The following PREX2 variants were observed in gnomAD, a reference collection of about 807,000 sequenced individuals.
PREX2 encodes the protein phosphatidylinositol-3,4,5-trisphosphate dependent Rac exchange factor 2.
In PREX2, 107 loss-of-function variants were observed where a neutral mutation model predicts 203.2. The ratio of observed to expected loss-of-function variants is 0.53; its 90% CI spans 0.45 to 0.62. PREX2 has a LOEUF of 0.62. Among genes scored for constraint, PREX2 ranks in the 20% least tolerant of loss-of-function variants. The pLI is 0.00. For synonymous variants in PREX2, 672 were observed against 663.6 expected, an observed-to-expected ratio of 1.01 and a Z score of -0.19; for missense variants, 1,777 against 1,955.9, an observed-to-expected ratio of 0.91 and a Z score of 1.72.
At position 68,054,595 on chromosome 8, in the gene PREX2, T is replaced by A. The variant is rs1339739370; in HGVS notation, c.1094-1235T>A. Among the ~76,000 whole-genome samples the A allele has an allele frequency of 5.3e-5, 8 of 152,204 alleles. No homozygotes were observed. The South Asian group carries it at 1.7e-3, about 31-fold the overall frequency. On this transcript the variant is annotated intron_variant, in intron 9 of 39. Coordinates refer to ENST00000288368, the MANE Select transcript of PREX2 (RefSeq NM_024870.4). ...ATGTTGCTCCTTCAACAGTTCGTCA[T>A]CAGTCCTGATTAAGTGCCAGTGTTC...
chr8:68,032,360 A>G (rs1448334616), intron 6 of PREX2, among the ~76,000 whole-genome samples: 1 of 152,202 alleles, frequency 6.6e-6, no homozygotes. Flanking sequence ...GGGAGATAAT[A>G]TGAAAGTTGG....
intron 1 of PREX2, among the ~76,000 whole-genome samples, chr8:67,970,190 A>T (rs1472976921): frequency 6.6e-6 from 1 of 152,164 alleles, no homozygotes; most frequent in Non-Finnish European, 1.5e-5. Flanking sequence ...AAGGTGAGTT[A>T]ATCTCGATCT....
chr8:68,055,706 G>A, intron 9 of PREX2, 124 bp from the exon 10 acceptor site: 1 of 861,216 alleles, frequency 1.2e-6, no homozygotes, highest in Non-Finnish European at 1.8e-6. Context: ...ATTATACAGA[G>A]ATCTGTATCC....
chr8:68,231,845 T>A lies in PREX2; in HGVS notation c.*467T>A, dbSNP rs939868388. ...ACATCTTGCAAATCATCATGAGAAA[T>A]GTTAAGGACAATATAGACTGTGTGC... On this transcript the variant is annotated 3_prime_UTR_variant, in exon 40 of 40. Coordinates refer to ENST00000288368, the MANE Select transcript of PREX2 (RefSeq NM_024870.4). The A allele has an allele frequency of 6.3e-6, 1 of 158,706 alleles. No individual in the cohort carries two copies. The highest frequency in any genetic ancestry group is 1.4e-5 in the Non-Finnish European group (1 of 72,118). The allele number at this position is 158,706 out of a possible 1,614,324, so 9.8% of individuals were successfully genotyped here.
chr8:68,044,675 A>C (rs1585732850), intron 8 of PREX2, 85 bp downstream of exon 8: 6 of 938,220 alleles, frequency 6.4e-6, no homozygotes, highest in East Asian at 2.4e-5. Context: ...TGGATAATTC[A>C]CCTGCCATGT....
chr8:67,959,089 T>A (rs1439206588), intron 1 of PREX2, among the ~76,000 whole-genome samples: 2 of 152,186 alleles, frequency 1.3e-5, no homozygotes, highest in African/African-American at 4.8e-5. Context: ...GGTAGGATGT[T>A]GGAGAGTCAA....
At chr8:68,174,312 G>C (rs893392058) in intron 35 of PREX2, among the ~76,000 whole-genome samples, 1 of 152,102 alleles carries the variant, frequency 6.6e-6, no homozygotes, top group Non-Finnish European at 1.5e-5. Flanking sequence ...CATGATTTGT[G>C]TAAAGAATAG....
At chr8:68,087,831 G>A (rs762323435) in intron 19 of PREX2, 22 bp downstream of exon 19, 1 of 1,535,932 alleles carries the variant, frequency 6.5e-7, no homozygotes, top group South Asian at 1.1e-5. Context: ...GTCTTGCAGG[G>A]AAACAGCTTT....
chr8:68,003,473 G>C (rs968628099), intron 1 of PREX2, among the ~76,000 whole-genome samples: 2 of 152,172 alleles, frequency 1.3e-5, no homozygotes, highest in Non-Finnish European at 2.9e-5. Flanking sequence ...GAAGACTTTA[G>C]CTGGGCCCTG....
chr8:67,982,612 G>C (rs768433234), intron 1 of PREX2, among the ~76,000 whole-genome samples: 21 of 152,248 alleles, frequency 1.4e-4, no homozygotes, highest in Admixed American at 9.2e-4. Flanking sequence ...TTTCATTTGG[G>C]AATTTGGTAG....
rs1376261096 is a variant in PREX2, at chr8:67,962,106, A to T, written c.141+9571A>T. ...CTCGGAAAGAGTCAAATATGGATTG[A>T]TATCTATGTTTGATTTTGGCTTGCC... On this transcript the variant is annotated intron_variant, in intron 1 of 39. Coordinates refer to ENST00000288368, the MANE Select transcript of PREX2 (RefSeq NM_024870.4). Among the ~76,000 whole-genome samples, 3 of 152,224 alleles carry T rather than the reference A, an allele frequency of 2.0e-5. No individual in the cohort carries two copies. In the East Asian group the frequency reaches 5.8e-4, roughly 29 times the overall value.
intron 37 of PREX2, among the ~76,000 whole-genome samples, chr8:68,205,286 TAGTC>T (rs1459970750): frequency 2.0e-5 from 3 of 152,122 alleles, no homozygotes; most frequent in East Asian, 3.9e-4. Context: ...CTGAAACAAA[TAGTC>T]TGTTTGTCCT....
intron 1 of PREX2, among the ~76,000 whole-genome samples, chr8:67,982,979 G>A (rs956223220): frequency 2.0e-5 from 3 of 152,144 alleles, no homozygotes; most frequent in Admixed American, 1.3e-4. Flanking sequence ...CGGTATGCAG[G>A]TCCTCAAATC....
chr8:68,095,595 A>G (rs546507616), intron 21 of PREX2, among the ~76,000 whole-genome samples: 7 of 149,104 alleles, frequency 4.7e-5, no homozygotes, highest in African/African-American at 1.7e-4. Flanking sequence ...ATGTGTGTGT[A>G]TATATATATC....
chr8:68,074,222 C>T lies in PREX2; in HGVS notation c.1569+1652C>T, dbSNP rs142047613. ...TCAAGTGATCCACCTGCCTCAGCCT[C>T]CCAAAGGGCTCGGATTACAGGTGTG... On this transcript the variant is annotated intron_variant, in intron 14 of 39. Transcript: ENST00000288368. Among the ~76,000 whole-genome samples the T allele has an allele frequency of 6.5e-3, 989 of 152,238 alleles. 1 individual carries two copies. Among genetic ancestry groups the T allele is most frequent in the Non-Finnish European group, 0.011 (730 of 68,008 alleles).
At chr8:67,976,582 GAGAGAT>G in intron 1 of PREX2, among the ~76,000 whole-genome samples, 1 of 141,912 alleles carries the variant, frequency 7.0e-6, no homozygotes. Context: ...GAGACAGAGA[GAGAGAT>G]GGGAGAGAGA....
chr8:68,083,211 T>C (rs1809583441), intron 17 of PREX2, 29 bp from the exon 18 acceptor site: 2 of 1,524,304 alleles, frequency 1.3e-6, no homozygotes, highest in Non-Finnish European at 1.8e-6. Context: ...AAATATACTT[T>C]GACTTATTTT....
At chr8:68,165,155 C>T (rs1191140031) in intron 35 of PREX2, among the ~76,000 whole-genome samples, 1 of 151,932 alleles carries the variant, frequency 6.6e-6, no homozygotes, top group Non-Finnish European at 1.5e-5. Context: ...GTAATCTCAG[C>T]AGGAGTGCTG....
chr8:68,010,063 A>C (rs1476939895), intron 1 of PREX2, among the ~76,000 whole-genome samples: 1 of 152,218 alleles, frequency 6.6e-6, no homozygotes, highest in Non-Finnish European at 1.5e-5. Context: ...AGGATTGAGG[A>C]CATAGACAAC....
Sources: gnomAD v4.1 joint callset for allele counts (sites outside exome capture counted in the v4.1 genomes callset) on GRCh38, gnomAD v4.1.1 for gene constraint, MANE v1.5 for transcripts, NCBI Gene and HGNC (gene_info 2026-07-23, HGNC 2026-07-21) for gene names.